The following PCCA variants were observed in gnomAD, a reference collection of about 807,000 sequenced individuals.
The protein encoded by PCCA is propionyl-CoA carboxylase subunit alpha.
In PCCA, 74 loss-of-function variants were observed where a neutral mutation model predicts 101.3. That is an observed-to-expected ratio of 0.73 (90% CI 0.61 to 0.89). The LOEUF (loss-of-function observed/expected upper bound fraction) is 0.89, where lower values mean the gene tolerates loss of function less well. Among genes scored for constraint, PCCA ranks in the 40% least tolerant of loss-of-function variants. The probability of loss-of-function intolerance (pLI) is 0.00; values close to 1 mark genes in which losing one functional copy is unlikely to be tolerated. For synonymous variants in PCCA, 294 were observed against 313.6 expected (o/e 0.94, Z 0.66); for missense variants, 891 against 907.0 (o/e 0.98, Z 0.23).
At chr13:100,159,330 C>T (rs1327061330) in intron 6 of PCCA, among the ~76,000 whole-genome samples, 1 of 151,878 alleles carries the variant, frequency 6.6e-6, no homozygotes, top group African/African-American at 2.4e-5. Context: ...ATGTCGTGAT[C>T]CGCCCACCTC....
chr13:100,364,621 G>T (rs55771759), intron 18 of PCCA, among the ~76,000 whole-genome samples: 2,854 of 152,250 alleles, frequency 0.019, 99 homozygotes, highest in African/African-American at 0.065. Flanking sequence ...AAGCCAGAAG[G>T]AATCTTTGCA....
intron 19 of PCCA, among the ~76,000 whole-genome samples, chr13:100,376,849 G>C (rs551445487): frequency 2.4e-4 from 37 of 152,252 alleles, no homozygotes; most frequent in African/African-American, 8.9e-4. Context: ...CACCACTGGG[G>C]TATGAAAAAA....
At chr13:100,293,771 A>G (rs1490875820) in intron 12 of PCCA, among the ~76,000 whole-genome samples, 1 of 152,140 alleles carries the variant, frequency 6.6e-6, no homozygotes, top group Admixed American at 6.6e-5. Flanking sequence ...AGAAGGTAGG[A>G]TGTGTTATAC....
intron 2 of PCCA, among the ~76,000 whole-genome samples, chr13:100,106,591 T>C (rs1020568623): frequency 3.6e-4 from 54 of 151,942 alleles, no homozygotes; most frequent in African/African-American, 1.3e-3. Context: ...TTTTTTGTAT[T>C]TTTAGTAGAG....
chr13:100,504,327 A>G (rs976049480), intron 21 of PCCA, among the ~76,000 whole-genome samples: 2 of 152,262 alleles, frequency 1.3e-5, no homozygotes, highest in Non-Finnish European at 2.9e-5. Context: ...GAGAATGTTC[A>G]TATGAGAATT....
At chr13:100,391,153 G>A (rs1225866131) in intron 19 of PCCA, among the ~76,000 whole-genome samples, 4 of 151,124 alleles carry the variant, frequency 2.6e-5, no homozygotes, top group Admixed American at 2.6e-4. Flanking sequence ...AAGTAGCTGG[G>A]ACTACAGGCG....
intron 22 of PCCA, among the ~76,000 whole-genome samples, chr13:100,523,215 T>C (rs1566507479): frequency 6.6e-6 from 1 of 152,154 alleles, no homozygotes; most frequent in Non-Finnish European, 1.5e-5. Flanking sequence ...GGTAGAAGGA[T>C]ATTGGGGGCT....
intron 19 of PCCA, among the ~76,000 whole-genome samples, chr13:100,420,446 A>G (rs2078671551): frequency 6.6e-6 from 1 of 152,050 alleles, no homozygotes; most frequent in Admixed American, 6.6e-5. Flanking sequence ...TGGAGGTGGT[A>G]GCTCGTGCCT....
intron 4 of PCCA, among the ~76,000 whole-genome samples, chr13:100,146,091 C>T (rs1399262758): frequency 4.7e-5 from 7 of 150,220 alleles, no homozygotes; most frequent in Non-Finnish European, 1.0e-4. Flanking sequence ...AGATATGCGC[C>T]ACCACACTCG....
intron 8 of PCCA, among the ~76,000 whole-genome samples, chr13:100,248,364 G>A (rs979702692): frequency 6.6e-6 from 1 of 151,858 alleles, no homozygotes; most frequent in African/African-American, 2.4e-5. Context: ...CCACTATGTT[G>A]GAAATTTTAT....
chr13:100,183,910 A>G (rs1311010701), intron 6 of PCCA, among the ~76,000 whole-genome samples: 2 of 152,198 alleles, frequency 1.3e-5, no homozygotes, highest in African/African-American at 4.8e-5. Flanking sequence ...TCAATTCAGC[A>G]AATGGCAAGA....
chr13:100,399,683 G>A (rs980420851), intron 19 of PCCA, among the ~76,000 whole-genome samples: 5 of 152,322 alleles, frequency 3.3e-5, no homozygotes, highest in Non-Finnish European at 7.3e-5. Flanking sequence ...TAGAGAACTT[G>A]AATGGTAATA....
At chr13:100,522,987 G>T (rs1332165399) in intron 22 of PCCA, among the ~76,000 whole-genome samples, 1 of 152,232 alleles carries the variant, frequency 6.6e-6, no homozygotes, top group Non-Finnish European at 1.5e-5. Flanking sequence ...GCCTGTGCTT[G>T]TGGGGGCTTC....
At chr13:100,265,202 T>C (rs749654408) in intron 10 of PCCA, among the ~76,000 whole-genome samples, 2 of 152,224 alleles carry the variant, frequency 1.3e-5, no homozygotes, top group Non-Finnish European at 2.9e-5. Flanking sequence ...TGAAGTCAAG[T>C]TTAAGTCTAC....
At position 100,209,413 on chromosome 13, in the gene PCCA, G is replaced by T; in HGVS notation, c.550G>T (p.Ala184Ser). The change falls in exon 7 of 24, where the codon GCT (alanine) becomes TCT (serine). Residue 184 changes from alanine to serine, a missense_variant. Ala to Ser is a moderately conservative substitution (Grantham distance 99). Transcript: ENST00000376285. ...MGDKIESKLLAKKAEVNTIPG... is the reference protein window; with the variant it reads ...MGDKIESKLLSKKAEVNTIPG... ...CGACAAGATTGAAAGCAAATTATTA[G>T]CTAAGAAAGCAGAGGTTAATACAAT... 6.2e-7 allele frequency: 1 copy of T among 1,613,508 alleles called. No individual in the cohort carries two copies. Among genetic ancestry groups the T allele is most frequent in the Non-Finnish European group, 8.5e-7 (1 of 1,179,472 alleles).
At chr13:100,213,237 C>G (rs2059329979) in intron 7 of PCCA, among the ~76,000 whole-genome samples, 1 of 150,322 alleles carries the variant, frequency 6.7e-6, no homozygotes, top group Non-Finnish European at 1.5e-5. Flanking sequence ...GCTTTCCTTT[C>G]TTTTGGGTAT....
At chr13:100,103,014 C>G in intron 2 of PCCA, 54 bp downstream of exon 2, 1 of 1,154,660 alleles carries the variant, frequency 8.7e-7, no homozygotes, top group Non-Finnish European at 1.3e-6. Context: ...CATGGTTTTA[C>G]TTTCTCGTCT....
intron 6 of PCCA, among the ~76,000 whole-genome samples, chr13:100,199,210 AG>A (rs138852671): frequency 0.032 from 4,898 of 152,264 alleles, 259 homozygotes; most frequent in African/African-American, 0.11. Context: ...AATCCTGGAA[AG>A]CTGTGTGACC....
At chr13:100,263,547 A>C (rs540761591) in intron 10 of PCCA, among the ~76,000 whole-genome samples, 6 of 152,282 alleles carry the variant, frequency 3.9e-5, no homozygotes, top group African/African-American at 1.2e-4. Context: ...AGATTCTGTC[A>C]GTTTATTCCT....
Sources: allele counts gnomAD v4.1 joint callset (sites outside exome capture counted in the v4.1 genomes callset), GRCh38; gene constraint gnomAD v4.1.1; transcripts MANE v1.5; gene names NCBI Gene and HGNC (gene_info 2026-07-23, HGNC 2026-07-21).